Variants in ZNF106 observed in about 807,000 individuals in gnomAD.
ZNF106 encodes the protein zinc finger protein 106.
In ZNF106, 67 loss-of-function variants were observed where a neutral mutation model predicts 195.1. The observed-to-expected ratio is 0.34, with a 90% confidence interval of 0.28 to 0.42. The LOEUF is 0.42. Ranked by LOEUF, ZNF106 falls within the 10% of genes least tolerant of loss-of-function variation. The pLI, the probability that ZNF106 is intolerant of heterozygous loss-of-function variation, is 1.00. For synonymous variants in ZNF106, 784 were observed against 818.6 expected, an observed-to-expected ratio of 0.96 and a Z score of 0.72; for missense variants, 2,118 against 2,304.5, an observed-to-expected ratio of 0.92 and a Z score of 1.66.
At chr15:42,477,931 G>A (rs980464579) in intron 1 of ZNF106, among the ~76,000 whole-genome samples, 3 of 151,402 alleles carry the variant, frequency 2.0e-5, no homozygotes, top group African/African-American at 7.3e-5. Flanking sequence ...ACTTACATTA[G>A]TGTGTTACAT....
rs564316299 is a variant in ZNF106, at chr15:42,459,430, C to T, written c.117-2272G>A. On this transcript the variant is annotated intron_variant, in intron 3 of 21. Transcript: ENST00000564754. ...GGCAGAGGTTGTAGTAAGCTGAGAT[C>T]GCACCACTGCACTCCAGCCTGGGCA... is the stretch of plus-strand genomic sequence containing the variant. 1.7e-4 allele frequency among the ~76,000 whole-genome samples: 26 copies of T among 151,886 alleles called. No homozygotes were observed. The South Asian group carries it at 5.4e-3, about 32-fold the overall frequency.
rs2054540439 is a variant in ZNF106 at position 42,418,553 on chromosome 15, T to G, written c.5518-602A>C. Among the ~76,000 whole-genome samples, 5 of 141,908 alleles carry G rather than the reference T, an allele frequency of 3.5e-5. No individual in the cohort carries two copies. In the South Asian group the frequency reaches 1.1e-3, roughly 31 times the overall value. The allele number at this position is 141,908 out of a possible 152,430, so 93.1% of individuals were successfully genotyped here. On this transcript the variant is annotated intron_variant, in intron 20 of 21. Transcript: ENST00000564754. ...GTTAATTTTTTTTTTTTTTTTTTTTTTTTTTAGTAAAGACAGGGTTTCACC... is the reference window on the plus strand; with the variant it reads ...GTTAATTTTTTTTTTTTTTTTTTTTGTTTTTAGTAAAGACAGGGTTTCACC...
At chr15:42,470,820 T>C (rs1015860726) in intron 2 of ZNF106, among the ~76,000 whole-genome samples, 4 of 152,216 alleles carry the variant, frequency 2.6e-5, no homozygotes, top group East Asian at 3.8e-4. Flanking sequence ...TTCTGACTTA[T>C]TGACAATTTG....
chr15:42,429,635 A>G (rs991809183), intron 14 of ZNF106, among the ~76,000 whole-genome samples: 1 of 151,918 alleles, frequency 6.6e-6, no homozygotes, highest in African/African-American at 2.4e-5. Context: ...TAAATTATTC[A>G]ATTTCTCCCC....
In ZNF106 at chr15:42,490,496, C is replaced by G. The variant is rs550148400; in HGVS notation, c.-33+484G>C. ...ACCGAGATTCGGACTAAATATTAAA[C>G]GGACACAGTAAGCTGTTGTTACTAT... On this transcript the variant is annotated intron_variant, in intron 1 of 21. Transcript: ENST00000564754. 170 of 152,034 alleles carry G rather than the reference C, an allele frequency of 1.1e-3. 1 individual carries two copies. The highest frequency in any genetic ancestry group is 4.0e-3 in the African/African-American group (166 of 41,494). 9.4% of individuals were successfully genotyped at this position (152,034 alleles called of 1,614,324 possible).
At chr15:42,442,642 G>A in intron 9 of ZNF106, among the ~76,000 whole-genome samples, 1 of 146,794 alleles carries the variant, frequency 6.8e-6, no homozygotes, top group Non-Finnish European at 1.5e-5. Flanking sequence ...TTTGAGATAG[G>A]GTCTCGCTTT....
chr15:42,419,311 G>T (rs1042053520), intron 20 of ZNF106, among the ~76,000 whole-genome samples: 4 of 152,054 alleles, frequency 2.6e-5, no homozygotes, highest in African/African-American at 9.7e-5. Flanking sequence ...AGGCTGCAGT[G>T]AGCCAAGATC....
chr15:42,450,187 G>T lies in ZNF106; in HGVS notation c.2085C>A (p.Thr695=). The part of the protein sequence containing the change: ...PHPGLLLDLK[T]SLEDAQVDDS... ...CATCAACCTGTGCATCTTCTAGAGAGGTTTTCAAGTCTAGCAATAAGCCAG... is the reference window on the plus strand; with the variant it reads ...CATCAACCTGTGCATCTTCTAGAGATGTTTTCAAGTCTAGCAATAAGCCAG... Residue 695 remains threonine (T), a synonymous_variant, in exon 5 of 22, where the codon ACC becomes ACA. Coordinates refer to ENST00000564754, the MANE Select transcript of ZNF106 (RefSeq NM_001366845.3). The T allele has an allele frequency of 1.2e-6, 2 of 1,614,162 alleles. No homozygotes were observed. Among genetic ancestry groups the T allele is most frequent in the Non-Finnish European group, 1.7e-6 (2 of 1,180,032 alleles).
chr15:42,457,632 C>A, intron 3 of ZNF106: 1 of 725,712 alleles, frequency 1.4e-6, no homozygotes, highest in Non-Finnish European at 1.7e-6. Context: ...GCAGCCAATC[C>A]CAAGTCGGTA....
At position 42,448,921 on chromosome 15, in the gene ZNF106, A is replaced by G. The variant is rs115173155; in HGVS notation, c.2502-216T>C. On this transcript the variant is annotated intron_variant, in intron 5 of 21. Coordinates refer to ENST00000564754, the MANE Select transcript of ZNF106 (RefSeq NM_001366845.3). ...GAGGTTTGTATACAGCTATAATAAT[A>G]TATTTGAGGGAGTAAAAATTGAGTT... 8.2e-3 allele frequency among the ~76,000 whole-genome samples: 1,245 copies of G among 152,204 alleles called. 17 individuals carry two copies. The highest frequency in any genetic ancestry group is 0.029 in the African/African-American group (1,196 of 41,510).
At chr15:42,484,437 A>G (rs565394033) in intron 1 of ZNF106, among the ~76,000 whole-genome samples, 64 of 152,376 alleles carry the variant, frequency 4.2e-4, no homozygotes, top group Non-Finnish European at 1.5e-5. Context: ...TCAGACTAAT[A>G]TAGACAGGCA....
Position 42,448,281 on chromosome 15 carries a change from T to C in ZNF106, c.2926A>G (p.Lys976Glu). The C allele has an allele frequency of 6.2e-7, 1 of 1,614,228 alleles. No individual in the cohort carries two copies. Among genetic ancestry groups the C allele is most frequent in the Non-Finnish European group, 8.5e-7 (1 of 1,180,030 alleles). ...DHIIPLMHLAKDLNSQERSIP... is the reference protein window; with the variant it reads ...DHIIPLMHLAEDLNSQERSIP... ...GACCTCTCCTGGCTGTTCAAGTCTTTTGCCAAATGCATCAAAGGTATTATA... is the reference window on the plus strand; with the variant it reads ...GACCTCTCCTGGCTGTTCAAGTCTTCTGCCAAATGCATCAAAGGTATTATA... The change falls in exon 6 of 22, where the codon AAA (lysine) becomes GAA (glutamate). Residue 976 changes from lysine to glutamate, a missense_variant. Transcript: ENST00000564754.
chr15:42,456,829 G>A, intron 4 of ZNF106, 129 bp downstream of exon 4: 6 of 856,120 alleles, frequency 7.0e-6, no homozygotes, highest in Non-Finnish European at 1.1e-5. Context: ...TGATTAGTAA[G>A]ACAACAACCT....
At chr15:42,472,097 G>A in intron 2 of ZNF106, 139 bp downstream of exon 2, 1 of 845,108 alleles carries the variant, frequency 1.2e-6, no homozygotes, top group Non-Finnish European at 1.7e-6. Context: ...GTTTAGGAAA[G>A]AAAAGAAGCA....
chr15:42,447,716 T>A (rs554901672), intron 6 of ZNF106, among the ~76,000 whole-genome samples: 5 of 152,294 alleles, frequency 3.3e-5, no homozygotes, highest in African/African-American at 1.2e-4. Context: ...AGTGCAACAG[T>A]AGAACGCCTT....
intron 15 of ZNF106, chr15:42,425,868 A>G (rs1595436758): frequency 6.6e-6 from 1 of 152,334 alleles, no homozygotes; most frequent in East Asian, 1.9e-4. Flanking sequence ...AGTAGACTAT[A>G]GAAGCCTAAT....
rs1455369722 is a variant in ZNF106, at chr15:42,427,880, T to C, written c.4998+138A>G. The C allele has an allele frequency of 1.7e-5, 11 of 652,464 alleles. No homozygotes were observed. The Admixed American group carries it at 2.0e-4, about 12-fold the overall frequency. 40.4% of individuals were successfully genotyped at this position (652,464 alleles called of 1,614,324 possible). A position where few individuals can be genotyped will look rare whatever the true frequency, so the allele number is the denominator to read the frequency against. ...TGTTTCACTTACATCAGAAGATAAC[T>C]GTGTTTGAGTAGTGGCTAATTCTGC... is the stretch of plus-strand genomic sequence containing the variant. On this transcript the variant is annotated intron_variant, in intron 15 of 21. Coordinates refer to ENST00000564754, the MANE Select transcript of ZNF106 (RefSeq NM_001366845.3).
chr15:42,440,207 T>G (rs1009401847), intron 10 of ZNF106, among the ~76,000 whole-genome samples: 12 of 152,226 alleles, frequency 7.9e-5, no homozygotes, highest in African/African-American at 2.9e-4. Flanking sequence ...CCATCCAATT[T>G]AGCTACAGCT....
At chr15:42,462,380 C>T (rs2056412793) in intron 3 of ZNF106, among the ~76,000 whole-genome samples, 1 of 152,112 alleles carries the variant, frequency 6.6e-6, no homozygotes. Flanking sequence ...GGTGGATCAT[C>T]TGAGGTCAGG....
Sources: allele counts gnomAD v4.1 joint callset (sites outside exome capture counted in the v4.1 genomes callset), GRCh38; gene constraint gnomAD v4.1.1; transcripts MANE v1.5; gene names NCBI Gene and HGNC (gene_info 2026-07-23, HGNC 2026-07-21).